The following SPAG16 variants were observed in gnomAD, a reference collection of about 807,000 sequenced individuals.
SPAG16 encodes the protein sperm associated antigen 16.
In SPAG16, 86 loss-of-function variants were observed where a neutral mutation model predicts 80.4. That is an observed-to-expected ratio of 1.07 (90% CI 0.90 to 1.28). SPAG16 has a LOEUF of 1.28. Ranked by LOEUF, SPAG16 falls within the 50% of genes most tolerant of loss-of-function variation. The pLI is 0.00. For synonymous variants in SPAG16, 294 were observed against 265.9 expected, an observed-to-expected ratio of 1.11 and a Z score of -1.03; for missense variants, 870 against 765.3, an observed-to-expected ratio of 1.14 and a Z score of -1.61.
intron 10 of SPAG16, among the ~76,000 whole-genome samples, chr2:213,550,882 T>C (rs1352632761): frequency 6.6e-6 from 1 of 152,132 alleles, no homozygotes; most frequent in African/African-American, 2.4e-5. Flanking sequence ...TTAATCATGA[T>C]TATGAATTAT....
At position 213,437,641 on chromosome 2, in the gene SPAG16, A is replaced by T. The variant is rs568580273; in HGVS notation, c.943-52322A>T. Among the ~76,000 whole-genome samples, 43 of 152,260 alleles carry T rather than the reference A, an allele frequency of 2.8e-4. No individual in the cohort carries two copies. In the South Asian group the frequency reaches 8.5e-3, roughly 30 times the overall value. ...ATGTTTGACTTATTCTGCTACAGTG[A>T]CCTTTACTTTTTACCCCAATCCCAC... On this transcript the variant is annotated intron_variant, in intron 9 of 15. Coordinates refer to ENST00000331683, the MANE Select transcript of SPAG16 (RefSeq NM_024532.5).
At chr2:213,855,296 G>C (rs1325597851) in intron 10 of SPAG16, among the ~76,000 whole-genome samples, 2 of 152,180 alleles carry the variant, frequency 1.3e-5, no homozygotes, top group Non-Finnish European at 2.9e-5. Context: ...AAAGTCAACA[G>C]AGGTGTTGAG....
intron 11 of SPAG16, among the ~76,000 whole-genome samples, chr2:213,864,432 A>T (rs2075604395): frequency 6.6e-6 from 1 of 152,198 alleles, no homozygotes; most frequent in African/African-American, 2.4e-5. Context: ...TTTAAATATG[A>T]TACTCTAATC....
rs565698557 is a variant in SPAG16 at position 213,686,182 on chromosome 2, G to A, written c.1071-176303G>A. On this transcript the variant is annotated intron_variant, in intron 10 of 15. Coordinates refer to ENST00000331683, the MANE Select transcript of SPAG16 (RefSeq NM_024532.5). ...TGCCTAGCCTAGAGTGCAGTGGTGC[G>A]ATCTTGGCTCACTTCAACCTCTGCC... is the stretch of plus-strand genomic sequence containing the variant. 1.3e-4 allele frequency among the ~76,000 whole-genome samples: 20 copies of A among 152,226 alleles called. 2 individuals are homozygous for A. Among genetic ancestry groups the A allele is most frequent in the African/African-American group, 4.1e-4 (17 of 41,550 alleles).
intron 9 of SPAG16, among the ~76,000 whole-genome samples, chr2:213,473,739 C>T (rs1349412696): frequency 6.6e-6 from 1 of 152,204 alleles, no homozygotes; most frequent in Non-Finnish European, 1.5e-5. Flanking sequence ...GTTTCTTCCA[C>T]TATTATCCCA....
At chr2:213,372,951 T>C (rs2066713866) in intron 8 of SPAG16, among the ~76,000 whole-genome samples, 1 of 152,186 alleles carries the variant, frequency 6.6e-6, no homozygotes, top group African/African-American at 2.4e-5. Context: ...ATTGAGTGGG[T>C]AAAATTTAGC....
chr2:213,323,830 A>C (rs745395987), intron 5 of SPAG16, among the ~76,000 whole-genome samples: 2 of 152,220 alleles, frequency 1.3e-5, no homozygotes, highest in Admixed American at 6.5e-5. Flanking sequence ...ATGTGAGGAC[A>C]TGCATGAACC....
At chr2:213,554,651 G>A (rs1301287097) in intron 10 of SPAG16, among the ~76,000 whole-genome samples, 1 of 151,638 alleles carries the variant, frequency 6.6e-6, no homozygotes, top group African/African-American at 2.4e-5. Context: ...CAACAAAAAT[G>A]ATAGAGAAAT....
At chr2:213,657,692 T>A (rs1020698727) in intron 10 of SPAG16, among the ~76,000 whole-genome samples, 4 of 152,152 alleles carry the variant, frequency 2.6e-5, no homozygotes, top group African/African-American at 9.6e-5. Context: ...GAAAGGAAGA[T>A]AATCATCAAA....
At chr2:213,533,534 G>C (rs184219905) in intron 10 of SPAG16, among the ~76,000 whole-genome samples, 11 of 152,180 alleles carry the variant, frequency 7.2e-5, no homozygotes, top group South Asian at 2.1e-4. Context: ...CTGAATTTGC[G>C]TGTTGTGAAC....
At chr2:214,160,199 A>C in intron 15 of SPAG16, among the ~76,000 whole-genome samples, 1 of 75,196 alleles carries the variant, frequency 1.3e-5, no homozygotes, top group South Asian at 4.0e-4. Context: ...CATTCCTATA[A>C]TATTAGCTAT....
chr2:213,373,721 C>T (rs1286868356), intron 8 of SPAG16, among the ~76,000 whole-genome samples: 1 of 152,166 alleles, frequency 6.6e-6, no homozygotes, highest in Non-Finnish European at 1.5e-5. Flanking sequence ...TTACTATATG[C>T]ATTCCCCTTC....
At chr2:213,396,649 G>A (rs746679679) in intron 9 of SPAG16, 3 of 456,198 alleles carry the variant, frequency 6.6e-6, no homozygotes, top group Non-Finnish European at 1.3e-5. Flanking sequence ...GACACTATTG[G>A]CAGGAGACAA....
At chr2:213,960,869 TAGTC>T (rs1408123011) in intron 12 of SPAG16, among the ~76,000 whole-genome samples, 1 of 152,152 alleles carries the variant, frequency 6.6e-6, no homozygotes, top group East Asian at 1.9e-4. Context: ...ACAAAAACAA[TAGTC>T]AGCCACTTCT....
intron 11 of SPAG16, among the ~76,000 whole-genome samples, chr2:213,864,688 G>T (rs2075615822): frequency 6.6e-6 from 1 of 151,752 alleles, no homozygotes; most frequent in Admixed American, 6.6e-5. Flanking sequence ...CTGTTAGCTG[G>T]ATGTATTCCT....
At chr2:213,906,750 G>C (rs977053427) in intron 11 of SPAG16, among the ~76,000 whole-genome samples, 8 of 152,132 alleles carry the variant, frequency 5.3e-5, no homozygotes, top group African/African-American at 1.4e-4. Flanking sequence ...AAGGCACCCA[G>C]AACATACAAT....
chr2:214,075,289 A>G (rs1278546378), intron 13 of SPAG16, among the ~76,000 whole-genome samples: 6 of 152,012 alleles, frequency 3.9e-5, no homozygotes, highest in Non-Finnish European at 1.5e-5. Context: ...ATAAATCCTC[A>G]CATACCCAAA....
chr2:213,801,847 A>G (rs375012422), intron 10 of SPAG16, among the ~76,000 whole-genome samples: 2 of 152,202 alleles, frequency 1.3e-5, no homozygotes, highest in Non-Finnish European at 2.9e-5. Flanking sequence ...GTGGGAACCA[A>G]TTGTATAATG....
intron 12 of SPAG16, among the ~76,000 whole-genome samples, chr2:213,971,909 A>T (rs1163415737): frequency 6.6e-6 from 1 of 151,338 alleles, no homozygotes; most frequent in Admixed American, 6.6e-5. Flanking sequence ...CATCCTGTTA[A>T]GTGTCAAGTG....
Sources: gnomAD v4.1 joint callset for allele counts (sites outside exome capture counted in the v4.1 genomes callset) on GRCh38, gnomAD v4.1.1 for gene constraint, MANE v1.5 for transcripts, NCBI Gene and HGNC (gene_info 2026-07-23, HGNC 2026-07-21) for gene names.